PVT1: variants seen among roughly 807,000 people sequenced by gnomAD.
PVT1 encodes the protein CXCR4/PVT1 fusion.
At chr8:127,896,903 G>C (rs1815686115) in intron 3 of PVT1, among the ~76,000 whole-genome samples, 1 of 151,272 alleles carries the variant, frequency 6.6e-6, no homozygotes, top group Non-Finnish European at 1.5e-5. Flanking sequence ...TAGCTATCTA[G>C]TGTTTGCTCT....
chr8:127,798,704 C>CAA (rs71300266), intron 2 of PVT1, among the ~76,000 whole-genome samples: 39,361 of 109,404 alleles, frequency 0.36, 7,141 homozygotes, highest in Non-Finnish European at 0.44. Flanking sequence ...ACTAAAAATA[C>CAA]AAAAAAAAAA....
At chr8:127,846,086 G>C (rs7000024) in intron 2 of PVT1, among the ~76,000 whole-genome samples, 6,641 of 152,260 alleles carry the variant, frequency 0.044, 521 homozygotes, top group African/African-American at 0.15. Context: ...AGCACACATC[G>C]TGGACCCCTC....
At chr8:128,082,848 G>A (rs1814204729) in intron 5 of PVT1, 1 of 152,170 alleles carries the variant, frequency 6.6e-6, no homozygotes, top group South Asian at 2.1e-4. Context: ...AGATAGAAAA[G>A]GTCTGGATTT....
intron 3 of PVT1, among the ~76,000 whole-genome samples, chr8:127,973,672 G>A (rs1816788734): frequency 9.1e-6 from 1 of 110,076 alleles, no homozygotes; most frequent in Non-Finnish European, 2.0e-5. Flanking sequence ...GACCCAAGTT[G>A]CCTTTTTGAA....
chr8:127,852,731 T>C (rs1320603023), intron 2 of PVT1, among the ~76,000 whole-genome samples: 2 of 152,186 alleles, frequency 1.3e-5, no homozygotes, highest in Non-Finnish European at 2.9e-5. Context: ...TTATTACTAT[T>C]CAAGAAGCCT....
At chr8:128,063,090 A>G (rs1165011314) in intron 4 of PVT1, among the ~76,000 whole-genome samples, 3 of 152,212 alleles carry the variant, frequency 2.0e-5, no homozygotes, top group Non-Finnish European at 4.4e-5. Flanking sequence ...CTTTTGAATT[A>G]GTTTACCCTT....
chr8:128,038,420 T>C (rs1037701226), intron 4 of PVT1, among the ~76,000 whole-genome samples: 1 of 152,200 alleles, frequency 6.6e-6, no homozygotes, highest in Admixed American at 6.5e-5. Flanking sequence ...GATGCAGACA[T>C]GGTACTAATG....
chr8:127,929,071 T>A (rs1289203117), intron 3 of PVT1, among the ~76,000 whole-genome samples: 2 of 152,168 alleles, frequency 1.3e-5, no homozygotes, highest in Non-Finnish European at 1.5e-5. Context: ...AGAAGCAAGA[T>A]AAACATATGT....
rs1460076794 is a variant in PVT1 at position 127,898,632 on chromosome 8, C to T, written n.782+7634C>T. Among the ~76,000 whole-genome samples, 1 of 152,164 alleles carries T rather than the reference C, an allele frequency of 6.6e-6. No homozygotes were observed. Among genetic ancestry groups the T allele is most frequent in the East Asian group, 1.9e-4 (1 of 5,194 alleles). On this transcript the variant is annotated intron_variant and non_coding_transcript_variant, in intron 3 of 10. Transcript: ENST00000651587. The surrounding 1 kb of genome is among the most constrained non-coding windows in gnomAD (Gnocchi z 4.4). Reference sequence around the variant, plus strand: ...GCTGAGACTCTGGGCCTCAGGGTGGCCTTGGCTGGAACCTGTATTCCAGTG... The same window carrying T: ...GCTGAGACTCTGGGCCTCAGGGTGGTCTTGGCTGGAACCTGTATTCCAGTG...
intron 2 of PVT1, among the ~76,000 whole-genome samples, chr8:127,803,932 G>A (rs1814498309): frequency 6.6e-6 from 1 of 152,030 alleles, no homozygotes; most frequent in Non-Finnish European, 1.5e-5. Flanking sequence ...TGTTGGTCAG[G>A]CTGATCTCGA....
intron 5 of PVT1, among the ~76,000 whole-genome samples, chr8:128,086,062 A>G (rs886929092): frequency 6.6e-6 from 1 of 152,232 alleles, no homozygotes; most frequent in Non-Finnish European, 1.5e-5. Context: ...TTGAGCCAAA[A>G]TGTATTTTGC....
Position 127,930,166 on chromosome 8 carries a change from T to C in PVT1, n.782+39168T>C, listed in dbSNP as rs574516166. The stretch of plus-strand genomic sequence containing the variant: ...GTGGGGCGGTGCGGAATTATTATTA[T>C]TTTTTTTTGGGACAGAGTCTCACTC... On this transcript the variant is annotated intron_variant and non_coding_transcript_variant, in intron 3 of 10. Transcript: ENST00000651587. Among the ~76,000 whole-genome samples the C allele has an allele frequency of 1.7e-4, 26 of 150,150 alleles. No individual in the cohort carries two copies. The South Asian group carries it at 4.6e-3, about 27-fold the overall frequency.
intron 2 of PVT1, among the ~76,000 whole-genome samples, chr8:127,835,900 C>T (rs1814904048): frequency 6.6e-6 from 1 of 152,184 alleles, no homozygotes; most frequent in African/African-American, 2.4e-5. Context: ...CCAGCCTCAT[C>T]AAGTGGTCCC....
chr8:128,062,135 A>G (rs905565361), intron 4 of PVT1, among the ~76,000 whole-genome samples: 5 of 152,180 alleles, frequency 3.3e-5, no homozygotes, highest in African/African-American at 1.2e-4. Flanking sequence ...CACTCTCCCA[A>G]CTGGTGAATG....
chr8:128,007,797 T>C (rs1355918536), intron 4 of PVT1, among the ~76,000 whole-genome samples: 1 of 152,218 alleles, frequency 6.6e-6, no homozygotes, highest in Non-Finnish European at 1.5e-5. Flanking sequence ...TTATTCTCTT[T>C]TGCATTTTCC....
At chr8:127,972,458 A>T (rs892900605) in intron 3 of PVT1, among the ~76,000 whole-genome samples, 3 of 152,204 alleles carry the variant, frequency 2.0e-5, no homozygotes, top group Non-Finnish European at 4.4e-5. Flanking sequence ...GCCCCAACCC[A>T]GTGGCACAGT....
chr8:127,875,335 GTC>G (rs1815393682), intron 2 of PVT1, among the ~76,000 whole-genome samples: 1 of 149,056 alleles, frequency 6.7e-6, no homozygotes, highest in Non-Finnish European at 1.5e-5. Context: ...CTCTGTCTCT[GTC>G]TCTGACTCTG....
chr8:127,858,074 A>G (rs185871623), intron 2 of PVT1, among the ~76,000 whole-genome samples: 1 of 152,314 alleles, frequency 6.6e-6, no homozygotes, highest in East Asian at 1.9e-4. Flanking sequence ...AGAAATCCCC[A>G]AAGATTCAAA....
At chr8:127,872,422 AAT>A (rs1815360929) in intron 2 of PVT1, among the ~76,000 whole-genome samples, 1 of 152,204 alleles carries the variant, frequency 6.6e-6, no homozygotes, top group South Asian at 2.1e-4. Flanking sequence ...CAAATAAATA[AAT>A]AAGTAAATAA....
Sources: gnomAD v4.1 joint callset for allele counts (sites outside exome capture counted in the v4.1 genomes callset) on GRCh38, gnomAD v4.1.1 for gene constraint, Gnocchi (gnomAD v3.1) non-coding constraint, MANE v1.5 for transcripts, NCBI Gene and HGNC (gene_info 2026-07-23, HGNC 2026-07-21) for gene names.